Variants in JMJD1C observed in about 807,000 individuals in gnomAD.
The protein encoded by JMJD1C is jumonji domain-containing protein 1C.
JMJD1C carries 31 observed loss-of-function variants against 245.3 expected under a neutral mutation model. The observed-to-expected ratio is 0.13, with a 90% CI of 0.09 to 0.17. The LOEUF (loss-of-function observed/expected upper bound fraction) is 0.17. Among genes scored for constraint, JMJD1C ranks in the 10% least tolerant of loss-of-function variants. The pLI, the probability that JMJD1C is intolerant of heterozygous loss-of-function variation, is 1.00. For missense variants in JMJD1C, 2,691 were observed against 3,000.2 expected (o/e 0.90, Z 2.41); for synonymous variants, 1,057 against 1,017.4 (o/e 1.04, Z -0.74).
chr10:63,219,733 TCTG>T (rs1243949563), intron 4 of JMJD1C, 142 bp downstream of exon 4: 1 of 526,488 alleles, frequency 1.9e-6, no homozygotes, highest in African/African-American at 1.9e-5. Context: ...TTATTATCAC[TCTG>T]CTATTATTTT....
intron 17 of JMJD1C, 60 bp downstream of exon 17, chr10:63,190,834 A>G: frequency 2.2e-6 from 3 of 1,361,038 alleles, no homozygotes; most frequent in Non-Finnish European, 3.2e-6. Flanking sequence ...CCAAAAACTA[A>G]GTCTCCAAAT....
At chr10:63,318,815 T>G (rs1564780351) in intron 2 of JMJD1C, among the ~76,000 whole-genome samples, 2 of 152,138 alleles carry the variant, frequency 1.3e-5, no homozygotes, top group Non-Finnish European at 2.9e-5. Context: ...TTCACTTCAT[T>G]TATCTCTTTC....
chr10:63,281,003 G>A (rs1317651213), intron 2 of JMJD1C, among the ~76,000 whole-genome samples: 2 of 151,362 alleles, frequency 1.3e-5, no homozygotes, highest in Non-Finnish European at 2.9e-5. Flanking sequence ...TGTCGCCCAG[G>A]ATGGAGTGCA....
At chr10:63,407,631 G>C (rs532868715) in intron 1 of JMJD1C, among the ~76,000 whole-genome samples, 13 of 151,510 alleles carry the variant, frequency 8.6e-5, no homozygotes, top group African/African-American at 2.7e-4. Flanking sequence ...AATTTCATTT[G>C]AAGAAAACAT....
At position 63,278,886 on chromosome 10, in the gene JMJD1C, TATTC is replaced by T. The variant is rs1042856835; in HGVS notation, c.334-14126_334-14123del. ...GTACTGTTATTAACCTGTGATATGT[TATTC>T]ATTCATTTCTGGTCTTATATACTCA... On this transcript the variant is annotated intron_variant, in intron 2 of 25. Transcript: ENST00000399262. Among the ~76,000 whole-genome samples, 66 of 151,808 alleles carry T rather than the reference TATTC, an allele frequency of 4.3e-4. 1 individual carries two copies. The highest frequency in any genetic ancestry group is 4.3e-3 in the Admixed American group (66 of 15,204).
intron 2 of JMJD1C, among the ~76,000 whole-genome samples, chr10:63,351,165 G>C (rs2134289114): frequency 7.3e-6 from 1 of 137,342 alleles, no homozygotes; most frequent in East Asian, 2.2e-4. Flanking sequence ...TGCAACCTCT[G>C]CCTCCCAGGT....
chr10:63,234,754 G>A (rs1850514745), intron 3 of JMJD1C, among the ~76,000 whole-genome samples: 1 of 151,768 alleles, frequency 6.6e-6, no homozygotes, highest in African/African-American at 2.4e-5. Flanking sequence ...GAAACATAGT[G>A]AGACCCTGTC....
intron 1 of JMJD1C, among the ~76,000 whole-genome samples, chr10:63,399,386 C>A (rs974829480): frequency 1.3e-5 from 2 of 152,132 alleles, no homozygotes; most frequent in East Asian, 3.8e-4. Context: ...TGTTCAGAAA[C>A]AACAATCAGA....
intron 2 of JMJD1C, chr10:63,268,582 C>T (rs1332483775): frequency 2.5e-6 from 1 of 397,242 alleles, no homozygotes; most frequent in Admixed American, 6.4e-5. Flanking sequence ...AAGGCAGTGA[C>T]CTTAATTTCT....
chr10:63,333,325 C>T (rs1248966238), intron 2 of JMJD1C, among the ~76,000 whole-genome samples: 6 of 152,046 alleles, frequency 3.9e-5, no homozygotes, highest in Admixed American at 2.0e-4. Flanking sequence ...GAGGCCAAGG[C>T]AAGAGGAGCC....
chr10:63,225,324 C>T (rs927147514), intron 3 of JMJD1C, among the ~76,000 whole-genome samples: 1 of 152,116 alleles, frequency 6.6e-6, no homozygotes, highest in Non-Finnish European at 1.5e-5. Flanking sequence ...CACTAAGCAT[C>T]TGCTTTATTA....
upstream of JMJD1C, among the ~76,000 whole-genome samples, chr10:63,468,885 T>G (rs1414023621): frequency 6.6e-6 from 1 of 152,190 alleles, no homozygotes; most frequent in Non-Finnish European, 1.5e-5. Flanking sequence ...AGGCTGCAAC[T>G]GGAGGATCTC....
intron 3 of JMJD1C, among the ~76,000 whole-genome samples, chr10:63,238,664 C>T (rs1343919539): frequency 6.6e-6 from 1 of 152,134 alleles, no homozygotes; most frequent in Non-Finnish European, 1.5e-5. Flanking sequence ...TAACCTCATG[C>T]TGTCAAGCTG....
rs533326766 is a variant in JMJD1C, at chr10:63,465,256, G to A, written c.168+239C>T. On this transcript the variant is annotated intron_variant, in intron 1 of 25. Transcript: ENST00000399262. ...TCGACCCCTCCGGGATGGGGGCCAG[G>A]GCAGCCTCCGCGGCTATCCCGGGAG... 3.0e-5 allele frequency: 15 copies of A among 502,482 alleles called. No individual in the cohort carries two copies. In the East Asian group the frequency reaches 4.5e-4, roughly 15 times the overall value. The allele number at this position is 502,482 out of a possible 1,614,324, so 31.1% of individuals were successfully genotyped here. A position where few individuals can be genotyped will look rare whatever the true frequency, so the allele number is the denominator to read the frequency against.
At chr10:63,447,344 A>G (rs2132982438) in intron 1 of JMJD1C, among the ~76,000 whole-genome samples, 1 of 152,356 alleles carries the variant, frequency 6.6e-6, no homozygotes, top group South Asian at 2.1e-4. Flanking sequence ...TCAACATAGT[A>G]AAAAGCAGGC....
At chr10:63,251,649 G>A (rs1192777154) in intron 3 of JMJD1C, among the ~76,000 whole-genome samples, 2 of 152,186 alleles carry the variant, frequency 1.3e-5, no homozygotes, top group East Asian at 1.9e-4. Flanking sequence ...AGAAAGGAAA[G>A]ACAGATACTA....
intron 2 of JMJD1C, among the ~76,000 whole-genome samples, chr10:63,303,344 C>T (rs959231548): frequency 2.6e-5 from 4 of 152,136 alleles, no homozygotes; most frequent in Non-Finnish European, 4.4e-5. Context: ...CTCGCTCTGT[C>T]GCCCAGGCCG....
intron 1 of JMJD1C, among the ~76,000 whole-genome samples, chr10:63,401,134 C>T (rs1948826816): frequency 1.3e-5 from 2 of 152,334 alleles, no homozygotes; most frequent in South Asian, 4.1e-4. Flanking sequence ...GCTGGGACTA[C>T]AGGCGTGAGC....
chr10:63,213,452 G>T, intron 8 of JMJD1C, 21 bp downstream of exon 8: 1 of 1,425,862 alleles, frequency 7.0e-7, no homozygotes, highest in Non-Finnish European at 9.8e-7. Flanking sequence ...CTGCTATGTG[G>T]CAAACTACAG....
Sources: gnomAD v4.1 joint callset for allele counts (sites outside exome capture counted in the v4.1 genomes callset) on GRCh38, gnomAD v4.1.1 for gene constraint, MANE v1.5 for transcripts, NCBI Gene and HGNC (gene_info 2026-07-23, HGNC 2026-07-21) for gene names.